Variants in LINGO2 observed in about 807,000 individuals in gnomAD.
LINGO2 encodes leucine-rich repeat and immunoglobulin-like domain-containing nogo receptor-interacting protein 2.
LINGO2 carries 14 observed loss-of-function variants against 30.6 expected under a neutral mutation model. That is an observed-to-expected ratio of 0.46 (90% confidence interval 0.30 to 0.72). LINGO2 has a LOEUF of 0.72. LINGO2 is among the 30% of genes least tolerant of loss of function. The pLI, the probability that LINGO2 is intolerant of heterozygous loss-of-function variation, is 0.07. For synonymous variants in LINGO2, 317 were observed against 288.5 expected, an observed-to-expected ratio of 1.10 and a Z score of -1.00; for missense variants, 729 against 751.7, an observed-to-expected ratio of 0.97 and a Z score of 0.35.
chr9:29,205,207 A>C, the LINGO2 span, among the ~76,000 whole-genome samples: 2 of 151,974 alleles, frequency 1.3e-5, no homozygotes, highest in African/African-American at 4.8e-5. Flanking sequence ...CACTCAGATA[A>C]TTTTTGTTAT....
At chr9:28,529,426 T>C (rs1299841465) in intron 1 of LINGO2, among the ~76,000 whole-genome samples, 1 of 152,084 alleles carries the variant, frequency 6.6e-6, no homozygotes, top group African/African-American at 2.4e-5. Flanking sequence ...AATGACTCAA[T>C]GGATTTATAT....
intron 1 of LINGO2, among the ~76,000 whole-genome samples, chr9:28,600,771 T>C (rs921384745): frequency 6.6e-6 from 1 of 152,078 alleles, no homozygotes; most frequent in Non-Finnish European, 1.5e-5. Flanking sequence ...TTGAACTGCA[T>C]AGAGGCACGA....
At chr9:28,932,135 G>GTAAAATAAA in the LINGO2 span, among the ~76,000 whole-genome samples, 1 of 138,656 alleles carries the variant, frequency 7.2e-6, no homozygotes, top group Admixed American at 7.7e-5. Context: ...AATAAAATAA[G>GTAAAATAAA]ATAAAATAAA....
At chr9:28,288,122 T>C (rs1407887402) in intron 4 of LINGO2, among the ~76,000 whole-genome samples, 1 of 152,128 alleles carries the variant, frequency 6.6e-6, no homozygotes, top group Non-Finnish European at 1.5e-5. Context: ...CCATAATCTT[T>C]TTAAAAACAT....
At chr9:28,660,997 G>T (rs947714964) in intron 1 of LINGO2, among the ~76,000 whole-genome samples, 1 of 152,076 alleles carries the variant, frequency 6.6e-6, no homozygotes, top group Non-Finnish European at 1.5e-5. Flanking sequence ...GTAGTTAAAT[G>T]TTGTAGACTG....
chr9:28,614,670 T>C (rs1826060045), intron 1 of LINGO2, among the ~76,000 whole-genome samples: 1 of 152,106 alleles, frequency 6.6e-6, no homozygotes, highest in Non-Finnish European at 1.5e-5. Flanking sequence ...TAACTTCCAA[T>C]GTTAATTAAT....
chr9:28,433,966 T>TATACACAC (rs752778212), intron 2 of LINGO2, among the ~76,000 whole-genome samples: 1 of 99,994 alleles, frequency 1.0e-5, no homozygotes, highest in Non-Finnish European at 2.4e-5. Flanking sequence ...TATATATATA[T>TATACACAC]ACACACACAC....
the LINGO2 span, among the ~76,000 whole-genome samples, chr9:28,869,161 C>A: frequency 6.6e-6 from 1 of 151,918 alleles, no homozygotes; most frequent in African/African-American, 2.4e-5. Context: ...ATGTTTTGAG[C>A]CCCTACTATG....
intron 4 of LINGO2, among the ~76,000 whole-genome samples, chr9:28,160,135 A>G (rs1828244477): frequency 6.6e-6 from 1 of 152,204 alleles, no homozygotes; most frequent in Non-Finnish European, 1.5e-5. Flanking sequence ...ACTCTAGAAC[A>G]TTAAGGTTAA....
At chr9:28,094,370 C>T (rs1826183642) in intron 4 of LINGO2, among the ~76,000 whole-genome samples, 1 of 152,038 alleles carries the variant, frequency 6.6e-6, no homozygotes, top group South Asian at 2.1e-4. Flanking sequence ...TTTTCCTCAC[C>T]TCTCTAACCC....
Position 28,512,610 on chromosome 9 carries a change from TATATATATATATATATATATATATATAC to T in LINGO2, c.-364-36613_-364-36586del, listed in dbSNP as rs1327020717. 3.5e-3 allele frequency among the ~76,000 whole-genome samples: 15 copies of T among 4,290 alleles called. 1 individual carries two copies. The highest frequency in any genetic ancestry group is 0.024 in the Admixed American group (4 of 164). The allele number at this position is 4,290 out of a possible 152,430, so 2.8% of individuals were successfully genotyped here. ...ATATGTGTGTATATATATATATATA[TATATATATATATATATATATATATATAC>T]ACACATACATACACACACACACACA... On this transcript the variant is annotated intron_variant, in intron 1 of 5. Transcript: ENST00000379992.
chr9:28,308,680 C>T (rs972358732), intron 3 of LINGO2, among the ~76,000 whole-genome samples: 1 of 150,072 alleles, frequency 6.7e-6, no homozygotes, highest in African/African-American at 2.4e-5. Context: ...GCAACCTACT[C>T]ATCTGACAAA....
chr9:29,207,092 C>G, the LINGO2 span, among the ~76,000 whole-genome samples: 1 of 151,316 alleles, frequency 6.6e-6, no homozygotes, highest in Non-Finnish European at 1.5e-5. Flanking sequence ...TAGAGACTCT[C>G]CCTCCCTATG....
At chr9:27,989,445 C>CTCTGTGTG (rs1224690877) in intron 5 of LINGO2, among the ~76,000 whole-genome samples, 19 of 150,496 alleles carry the variant, frequency 1.3e-4, no homozygotes, top group South Asian at 6.3e-4. Context: ...TGAATGCTCT[C>CTCTGTGTG]TGTGTGTGTG....
intron 4 of LINGO2, among the ~76,000 whole-genome samples, chr9:28,089,419 A>C (rs1826008924): frequency 6.6e-6 from 1 of 152,182 alleles, no homozygotes; most frequent in Admixed American, 6.5e-5. Context: ...ACTCACTCAA[A>C]ACTGCTCAAC....
chr9:29,185,288 G>C, the LINGO2 span, among the ~76,000 whole-genome samples: 9 of 152,176 alleles, frequency 5.9e-5, no homozygotes, highest in Middle Eastern at 3.4e-3. Context: ...GTACTCTATG[G>C]AACAAAGTAA....
the LINGO2 span, among the ~76,000 whole-genome samples, chr9:28,935,469 A>C: frequency 3.9e-5 from 6 of 152,208 alleles, no homozygotes; most frequent in East Asian, 1.2e-3. Flanking sequence ...TTTAAAAGTT[A>C]AGGCAATGTA....
chr9:29,191,264 T>C, the LINGO2 span, among the ~76,000 whole-genome samples: 1 of 152,172 alleles, frequency 6.6e-6, no homozygotes, highest in Non-Finnish European at 1.5e-5. Context: ...TTAAATGCAT[T>C]ATTGCTATGA....
At chr9:28,622,863 C>T (rs921859407) in intron 1 of LINGO2, among the ~76,000 whole-genome samples, 4 of 151,902 alleles carry the variant, frequency 2.6e-5, no homozygotes, top group African/African-American at 4.8e-5. Flanking sequence ...TATTGCCTGT[C>T]ATTTGTATAT....
Sources: gnomAD v4.1 joint callset for allele counts (sites outside exome capture counted in the v4.1 genomes callset) on GRCh38, gnomAD v4.1.1 for gene constraint, MANE v1.5 for transcripts, NCBI Gene and HGNC (gene_info 2026-07-23, HGNC 2026-07-21) for gene names.